PICALM: variants seen among roughly 807,000 people sequenced by gnomAD.
The protein encoded by PICALM is phosphatidylinositol binding clathrin assembly protein.
In PICALM, 40 loss-of-function variants were observed where a neutral mutation model predicts 80.5. The ratio of observed to expected loss-of-function variants is 0.50; its 90% CI spans 0.39 to 0.65. PICALM has a LOEUF of 0.65. PICALM is among the 30% of genes least tolerant of loss of function. PICALM has a pLI of 0.00. For synonymous variants in PICALM, 288 were observed against 260.3 expected, an observed-to-expected ratio of 1.11 and a Z score of -1.02; for missense variants, 676 against 778.9, an observed-to-expected ratio of 0.87 and a Z score of 1.57.
chr11:85,959,387 G>T (rs2093611593), intron 19 of PICALM, among the ~76,000 whole-genome samples: 1 of 152,056 alleles, frequency 6.6e-6, no homozygotes, highest in African/African-American at 2.4e-5. Flanking sequence ...CAGCACTCTG[G>T]GAGGCTGAGG....
At chr11:85,965,490 T>C (rs1473329279) in intron 19 of PICALM, among the ~76,000 whole-genome samples, 3 of 152,200 alleles carry the variant, frequency 2.0e-5, no homozygotes, top group African/African-American at 7.2e-5. Flanking sequence ...TTTGGGGTAA[T>C]GTTTAAAACA....
chr11:86,019,816 T>C (rs543880321), intron 4 of PICALM, among the ~76,000 whole-genome samples: 2 of 152,344 alleles, frequency 1.3e-5, no homozygotes, highest in East Asian at 3.9e-4. Flanking sequence ...ATTAAATTTT[T>C]CACTTCAGTC....
intron 14 of PICALM, 43 bp from the exon 15 acceptor site, chr11:85,982,046 T>C: frequency 1.3e-6 from 2 of 1,585,800 alleles, no homozygotes; most frequent in South Asian, 2.2e-5. Flanking sequence ...TAAGGAACTT[T>C]ATGACGCTAT....
Position 86,007,550 on chromosome 11 carries a change from G to C in PICALM, c.799C>G (p.Leu267Val). 1 of 1,510,336 alleles carries C rather than the reference G, an allele frequency of 6.6e-7. No homozygotes were observed. The highest frequency in any genetic ancestry group is 9.2e-7 in the Non-Finnish European group (1 of 1,092,218). The allele number at this position is 1,510,336 out of a possible 1,614,324, so 93.6% of individuals were successfully genotyped here. The change falls in exon 8 of 20, where the codon CTT becomes GTT. Residue 267 changes from leucine (L) to valine (V), a missense_variant. Physicochemically the swap from Leu to Val is conservative, Grantham distance 32. This residue lies in a region of PICALM where 285 missense variants were observed against 395.4 expected (regional missense o/e 0.72). Transcript: ENST00000393346. ...VGIDRGDIPD[L>V]SQAPSSLLDA... Reference sequence around the variant, plus strand: ...TTTAACAATAAACTTACCTGTGAAAGGTCTGGTATATCACCTCTGTCAATT... The same window carrying C: ...TTTAACAATAAACTTACCTGTGAAACGTCTGGTATATCACCTCTGTCAATT...
chr11:86,024,984 T>C (rs2095627158), intron 3 of PICALM, among the ~76,000 whole-genome samples: 1 of 152,174 alleles, frequency 6.6e-6, no homozygotes, highest in Non-Finnish European at 1.5e-5. Context: ...CTTTATGAGG[T>C]TCTCCCTAAA....
At chr11:86,008,981 A>ATT (rs1565392618) in intron 7 of PICALM, among the ~76,000 whole-genome samples, 3 of 150,984 alleles carry the variant, frequency 2.0e-5, no homozygotes, top group Non-Finnish European at 4.4e-5. Flanking sequence ...AAAAAGCGTA[A>ATT]GGTAAGGGAC....
At chr11:85,988,996 T>C (rs1189182717) in intron 13 of PICALM, among the ~76,000 whole-genome samples, 2 of 152,196 alleles carry the variant, frequency 1.3e-5, no homozygotes, top group South Asian at 2.1e-4. Context: ...ATATGCAGCA[T>C]AGTTAAGACC....
chr11:85,988,165 C>T (rs899363836), intron 13 of PICALM, among the ~76,000 whole-genome samples: 1 of 152,130 alleles, frequency 6.6e-6, no homozygotes, highest in Non-Finnish European at 1.5e-5. Context: ...TTATTGCTAC[C>T]ACACTGGCCT....
At chr11:86,007,325 T>C (rs1406262400) in intron 8 of PICALM, 4 of 299,888 alleles carry the variant, frequency 1.3e-5, no homozygotes, top group African/African-American at 4.4e-5. Context: ...ATTAAATAAA[T>C]GGTATGACAG....
intron 2 of PICALM, among the ~76,000 whole-genome samples, chr11:86,026,824 T>G (rs940534528): frequency 6.6e-6 from 1 of 152,218 alleles, no homozygotes; most frequent in Non-Finnish European, 1.5e-5. Context: ...CTTCACATCT[T>G]ATATAGAATC....
chr11:85,968,864 T>C lies in PICALM; in HGVS notation c.1944+5844A>G, dbSNP rs201525757. ...AACAACATAATAAAGACAGCTACAA[T>C]GTTAGGCATGAAACAGAAAAACAAT... On this transcript the variant is annotated intron_variant, in intron 19 of 19. Coordinates refer to ENST00000393346, the MANE Select transcript of PICALM (RefSeq NM_007166.4). 3.3e-5 allele frequency among the ~76,000 whole-genome samples: 5 copies of C among 151,828 alleles called. No individual in the cohort carries two copies. In the East Asian group the frequency reaches 9.7e-4, roughly 29 times the overall value.
Position 86,062,996 on chromosome 11 carries a change from G to C in PICALM, c.130+5655C>G, listed in dbSNP as rs1238677993. ...GCTCTAACCTCTTGCCAAGAAGCCT[G>C]TAAGTTTATTTTTCTTACTTCTTTA... On this transcript the variant is annotated intron_variant, in intron 1 of 19. Coordinates refer to ENST00000393346, the MANE Select transcript of PICALM (RefSeq NM_007166.4). Among the ~76,000 whole-genome samples the C allele has an allele frequency of 4.0e-5, 6 of 151,082 alleles. No homozygotes were observed. The East Asian group carries it at 1.2e-3, about 29-fold the overall frequency.
chr11:86,011,275 T>C, intron 6 of PICALM, 139 bp from the exon 7 acceptor site: 2 of 551,086 alleles, frequency 3.6e-6, no homozygotes, highest in South Asian at 5.0e-5. Flanking sequence ...AGTGTTAAGT[T>C]AGCTTAGGTA....
At chr11:86,047,842 G>A (rs779831798) in intron 1 of PICALM, among the ~76,000 whole-genome samples, 2 of 152,236 alleles carry the variant, frequency 1.3e-5, no homozygotes, top group Admixed American at 1.3e-4. Context: ...GCTCACACTC[G>A]TAATACCAGC....
chr11:86,038,154 T>C (rs1021299369), intron 1 of PICALM, among the ~76,000 whole-genome samples: 4 of 151,888 alleles, frequency 2.6e-5, no homozygotes, highest in Admixed American at 2.0e-4. Context: ...ACCCTGTCTC[T>C]ACTAAAAACA....
At chr11:86,001,560 T>TCG (rs1184759392) in intron 9 of PICALM, among the ~76,000 whole-genome samples, 3 of 152,190 alleles carry the variant, frequency 2.0e-5, no homozygotes, top group African/African-American at 7.2e-5. Context: ...AGCCTACGTT[T>TCG]CGGCAGTGCC....
At chr11:86,039,786 G>A (rs1039178831) in intron 1 of PICALM, among the ~76,000 whole-genome samples, 5 of 151,954 alleles carry the variant, frequency 3.3e-5, no homozygotes, top group African/African-American at 4.8e-5. Flanking sequence ...GGCAGATCAC[G>A]AGGTCAGGAG....
intron 8 of PICALM, among the ~76,000 whole-genome samples, chr11:86,004,628 C>T (rs112277475): frequency 3.4e-4 from 51 of 151,866 alleles, no homozygotes; most frequent in African/African-American, 1.2e-3. Context: ...AAGAACTGTC[C>T]GCTCTAAGTG....
rs2093581156 is a variant in PICALM at position 85,958,225 on chromosome 11, T to C, written c.*821A>G. 4.5e-6 allele frequency: 1 copy of C among 221,888 alleles called. No homozygotes were observed. Among genetic ancestry groups the C allele is most frequent in the Non-Finnish European group, 9.0e-6 (1 of 110,598 alleles). 13.7% of individuals were successfully genotyped at this position (221,888 alleles called of 1,614,324 possible). On this transcript the variant is annotated 3_prime_UTR_variant, in exon 20 of 20. Transcript: ENST00000393346. ...GTAGTGCTTTTCCTAGTCAGTGAAC[T>C]GTTCCCTGGCAAAATCCTAGGCACA... is the stretch of plus-strand genomic sequence containing the variant.
Sources: gnomAD v4.1 joint callset for allele counts (sites outside exome capture counted in the v4.1 genomes callset) on GRCh38, gnomAD v4.1.1 for gene constraint, gnomAD v4.1.1 regional missense constraint, MANE v1.5 for transcripts, NCBI Gene and HGNC (gene_info 2026-07-23, HGNC 2026-07-21) for gene names.